Variants in ADAMTSL1 observed in about 807,000 individuals in gnomAD.
The protein encoded by ADAMTSL1 is ADAMTS like 1, also known as ADAMTS-like protein 1.
In ADAMTSL1, 126 loss-of-function variants were observed where a neutral mutation model predicts 201.8. That is an observed-to-expected ratio of 0.62 (90% confidence interval 0.54 to 0.72). The LOEUF (loss-of-function observed/expected upper bound fraction) is 0.72, where lower values mean the gene tolerates loss of function less well. ADAMTSL1 is among the 30% of genes least tolerant of loss of function. The pLI is 0.00. For missense variants in ADAMTSL1, 2,679 were observed against 2,277.8 expected (o/e 1.18, Z -3.59); for synonymous variants, 1,121 against 903.4 (o/e 1.24, Z -4.32).
rs1820421066 is a variant in ADAMTSL1, at chr9:18,020,123, T to C, written c.87+113201T>C. ...GTTATATTCCAGGAGCTATACTCAG[T>C]ATAGCTTGGAAGTAGATGATGGAAG... On this transcript the variant is annotated intron_variant, in intron 1 of 29. Transcript: ENST00000680146. Among the ~76,000 whole-genome samples the C allele has an allele frequency of 2.6e-5, 4 of 152,038 alleles. No individual in the cohort carries two copies. In the South Asian group the frequency reaches 8.3e-4, roughly 32 times the overall value.
At chr9:18,116,922 C>T (rs1432912741) in intron 1 of ADAMTSL1, among the ~76,000 whole-genome samples, 1 of 152,178 alleles carries the variant, frequency 6.6e-6, no homozygotes, top group Non-Finnish European at 1.5e-5. Context: ...TAAGTATCTA[C>T]AATGACTATC....
At chr9:18,378,711 A>G (rs965529896) in intron 2 of ADAMTSL1, among the ~76,000 whole-genome samples, 3 of 151,972 alleles carry the variant, frequency 2.0e-5, no homozygotes, top group Non-Finnish European at 2.9e-5. Context: ...GATCCTTACT[A>G]TGTACATTAA....
intron 2 of ADAMTSL1, among the ~76,000 whole-genome samples, chr9:18,450,606 A>G (rs1820367034): frequency 6.6e-6 from 1 of 151,646 alleles, no homozygotes; most frequent in Admixed American, 6.6e-5. Flanking sequence ...ATATATATGT[A>G]TGTATATATG....
At chr9:18,187,779 GAA>G (rs1828803432) in intron 2 of ADAMTSL1, among the ~76,000 whole-genome samples, 1 of 152,074 alleles carries the variant, frequency 6.6e-6, no homozygotes, top group African/African-American at 2.4e-5. Context: ...GAAGGAAAAT[GAA>G]AGTTATTCTT....
chr9:18,590,741 T>C (rs1321689452), intron 4 of ADAMTSL1, among the ~76,000 whole-genome samples: 1 of 152,138 alleles, frequency 6.6e-6, no homozygotes, highest in Non-Finnish European at 1.5e-5. Flanking sequence ...CTCAAGAATT[T>C]TTAAAAATTC....
At chr9:18,642,768 T>G (rs1349745563) in intron 7 of ADAMTSL1, among the ~76,000 whole-genome samples, 1 of 152,038 alleles carries the variant, frequency 6.6e-6, no homozygotes, top group Non-Finnish European at 1.5e-5. Flanking sequence ...GATTTTCTTC[T>G]TTTTTCAAAG....
At chr9:18,858,367 G>A (rs917582446) in intron 23 of ADAMTSL1, among the ~76,000 whole-genome samples, 22 of 152,050 alleles carry the variant, frequency 1.4e-4, no homozygotes, top group Non-Finnish European at 3.1e-4. Flanking sequence ...TGCACCCCTG[G>A]TTTAGATGCC....
At chr9:18,092,067 C>T (rs1175246647) in intron 1 of ADAMTSL1, among the ~76,000 whole-genome samples, 1 of 152,130 alleles carries the variant, frequency 6.6e-6, no homozygotes, top group Admixed American at 6.6e-5. Flanking sequence ...TGGGATACTA[C>T]ATCCCCAAGC....
At chr9:18,807,560 G>A (rs1823226653) in intron 20 of ADAMTSL1, among the ~76,000 whole-genome samples, 1 of 151,666 alleles carries the variant, frequency 6.6e-6, no homozygotes, top group Non-Finnish European at 1.5e-5. Context: ...CGGGAGAACC[G>A]GCGTGAACCC....
intron 1 of ADAMTSL1, among the ~76,000 whole-genome samples, chr9:17,986,889 T>TA (rs1818950594): frequency 6.6e-6 from 1 of 152,048 alleles, no homozygotes; most frequent in Non-Finnish European, 1.5e-5. Flanking sequence ...TAAAGGTAAA[T>TA]AAAAAAGTGC....
intron 1 of ADAMTSL1, among the ~76,000 whole-genome samples, chr9:18,132,814 T>C (rs1826005831): frequency 6.6e-6 from 1 of 152,216 alleles, no homozygotes. Flanking sequence ...GTTTATTGTC[T>C]ACAATGTCAG....
intron 8 of ADAMTSL1, among the ~76,000 whole-genome samples, chr9:18,660,464 T>C (rs1829009928): frequency 6.6e-6 from 1 of 152,228 alleles, no homozygotes; most frequent in South Asian, 2.1e-4. Flanking sequence ...TTATACACGC[T>C]ATAATAGCTT....
At position 18,652,365 on chromosome 9, in the gene ADAMTSL1, C is replaced by CA. The variant is rs34900718; in HGVS notation, c.835-5256dup. Among the ~76,000 whole-genome samples, 100 of 94,918 alleles carry CA rather than the reference C, an allele frequency of 1.1e-3. No homozygotes were observed. The Middle Eastern group carries it at 0.025, about 24-fold the overall frequency. 62.3% of individuals were successfully genotyped at this position (94,918 alleles called of 152,430 possible). A position where few individuals can be genotyped will look rare whatever the true frequency, so the allele number is the denominator to read the frequency against. On this transcript the variant is annotated intron_variant, in intron 7 of 28. Coordinates refer to ENST00000380548, the MANE Select transcript of ADAMTSL1 (RefSeq NM_001040272.6). ...GGGTGACAAGAACAAAACTCCATCT[C>CA]AAAAAAAAAAAAAAAAAAGGAAAAA...
chr9:17,955,846 A>G (rs539126403), intron 1 of ADAMTSL1, among the ~76,000 whole-genome samples: 1 of 152,184 alleles, frequency 6.6e-6, no homozygotes, highest in Non-Finnish European at 1.5e-5. Context: ...CGTTCTATCC[A>G]TGGATTCAGG....
chr9:17,943,674 T>C (rs1827334956), intron 1 of ADAMTSL1, among the ~76,000 whole-genome samples: 1 of 152,166 alleles, frequency 6.6e-6, no homozygotes, highest in Admixed American at 6.5e-5. Context: ...TCCTCATGAC[T>C]TCATGAATAT....
chr9:18,516,096 A>C (rs1453091850), intron 2 of ADAMTSL1, among the ~76,000 whole-genome samples: 1 of 151,704 alleles, frequency 6.6e-6, no homozygotes, highest in Non-Finnish European at 1.5e-5. Context: ...CCAAAAAAAA[A>C]AAAAAGAAAG....
intron 2 of ADAMTSL1, among the ~76,000 whole-genome samples, chr9:18,316,026 G>A (rs368697146): frequency 7.2e-5 from 11 of 152,180 alleles, no homozygotes; most frequent in African/African-American, 1.9e-4. Context: ...AAAGCTGGGC[G>A]TCGGGGGAGA....
At chr9:18,709,133 G>C (rs572117076) in intron 14 of ADAMTSL1, among the ~76,000 whole-genome samples, 1 of 152,134 alleles carries the variant, frequency 6.6e-6, no homozygotes, top group South Asian at 2.1e-4. Flanking sequence ...TTATGTCACT[G>C]TGCCAAGGTA....
At chr9:18,164,871 A>C (rs899349721) in intron 2 of ADAMTSL1, among the ~76,000 whole-genome samples, 1 of 151,798 alleles carries the variant, frequency 6.6e-6, no homozygotes, top group African/African-American at 2.4e-5. Context: ...AGACAGAGTA[A>C]ATTGGCTCTC....
Sources: gnomAD v4.1 joint callset for allele counts (sites outside exome capture counted in the v4.1 genomes callset) on GRCh38, gnomAD v4.1.1 for gene constraint, MANE v1.5 for transcripts, NCBI Gene and HGNC (gene_info 2026-07-23, HGNC 2026-07-21) for gene names.